The following DAB1 variants were observed in gnomAD, a reference collection of about 807,000 sequenced individuals.
The protein encoded by DAB1 is disabled homolog 1.
Under a neutral mutation model 64.6 loss-of-function variants are expected in DAB1, and 15 were observed. That is an observed-to-expected ratio of 0.23 (90% CI 0.16 to 0.36). The LOEUF (loss-of-function observed/expected upper bound fraction) is 0.36. DAB1 is among the 10% of genes least tolerant of loss of function. DAB1 has a pLI of 1.00. For synonymous variants in DAB1, 235 were observed against 251.9 expected, an observed-to-expected ratio of 0.93 and a Z score of 0.64; for missense variants, 596 against 706.7, an observed-to-expected ratio of 0.84 and a Z score of 1.78.
At chr1:57,033,550 A>C (rs1557592488) in intron 9 of DAB1, 1 of 1,612,824 alleles carries the variant, frequency 6.2e-7, no homozygotes, top group East Asian at 2.2e-5. Context: ...ACCGTTCTTC[A>C]AAATCCTCAA....
intron 3 of DAB1, among the ~76,000 whole-genome samples, chr1:58,421,189 G>C (rs2100221577): frequency 6.6e-6 from 1 of 152,256 alleles, no homozygotes; most frequent in Admixed American, 6.5e-5. Flanking sequence ...TCATCGTAAT[G>C]CACCCACATG....
intron 3 of DAB1, among the ~76,000 whole-genome samples, chr1:58,426,502 C>A (rs1380577316): frequency 6.6e-6 from 1 of 152,200 alleles, no homozygotes; most frequent in Non-Finnish European, 1.5e-5. Context: ...CCAGGATCTG[C>A]AGTCAACAAG....
chr1:58,438,735 A>G (rs1428061095), intron 3 of DAB1, among the ~76,000 whole-genome samples: 2 of 151,956 alleles, frequency 1.3e-5, no homozygotes, highest in African/African-American at 4.8e-5. Flanking sequence ...GTGAAAGAAC[A>G]CAGGACAAAG....
At chr1:57,918,470 C>A (rs1470261405) in intron 5 of DAB1, among the ~76,000 whole-genome samples, 1 of 152,146 alleles carries the variant, frequency 6.6e-6, no homozygotes, top group Non-Finnish European at 1.5e-5. Context: ...TAACAACCCA[C>A]TCTCATAGGA....
chr1:58,091,180 T>C (rs1331580241), intron 5 of DAB1, among the ~76,000 whole-genome samples: 1 of 152,202 alleles, frequency 6.6e-6, no homozygotes, highest in Non-Finnish European at 1.5e-5. Flanking sequence ...GAGCCCCTCT[T>C]TCCTTCCTCT....
At chr1:58,509,509 A>T (rs1157919559) in intron 2 of DAB1, among the ~76,000 whole-genome samples, 1 of 150,402 alleles carries the variant, frequency 6.6e-6, no homozygotes, top group African/African-American at 2.4e-5. Flanking sequence ...TTCTAAGAGG[A>T]TGGTTTATAA....
intron 9 of DAB1, among the ~76,000 whole-genome samples, chr1:57,058,164 G>A (rs1260604528): frequency 6.6e-6 from 1 of 151,964 alleles, no homozygotes; most frequent in African/African-American, 2.4e-5. Flanking sequence ...GTGTGGGTTT[G>A]TGTTTAGAAG....
chr1:57,682,817 T>C (rs1452976288), intron 6 of DAB1, among the ~76,000 whole-genome samples: 7 of 152,174 alleles, frequency 4.6e-5, no homozygotes, highest in Non-Finnish European at 8.8e-5. Context: ...TGAGAGGCTT[T>C]AGCCTCAGTT....
At chr1:57,468,031 G>C (rs1167205080) in intron 7 of DAB1, among the ~76,000 whole-genome samples, 1 of 152,198 alleles carries the variant, frequency 6.6e-6, no homozygotes, top group African/African-American at 2.4e-5. Context: ...GTCCCTGGCT[G>C]TCTCCCCTGG....
intron 6 of DAB1, among the ~76,000 whole-genome samples, chr1:57,776,573 T>C (rs1171108054): frequency 6.6e-6 from 1 of 151,850 alleles, no homozygotes; most frequent in Non-Finnish European, 1.5e-5. Flanking sequence ...GTCTCCACAA[T>C]TGCCTTATTA....
intron 1 of DAB1, among the ~76,000 whole-genome samples, chr1:57,881,072 T>C (rs1644136286): frequency 6.6e-6 from 1 of 152,212 alleles, no homozygotes; most frequent in Admixed American, 6.5e-5. Context: ...AGTTTCCCTA[T>C]CTGTAAAATG....
At chr1:58,501,830 C>T (rs1557443460) in intron 3 of DAB1, among the ~76,000 whole-genome samples, 1 of 152,102 alleles carries the variant, frequency 6.6e-6, no homozygotes, top group African/African-American at 2.4e-5. Context: ...AAGGAGGTAA[C>T]TAAGGTTTAA....
At chr1:57,219,462 T>C (rs1666692351) in intron 2 of DAB1, among the ~76,000 whole-genome samples, 1 of 152,150 alleles carries the variant, frequency 6.6e-6, no homozygotes, top group East Asian at 1.9e-4. Context: ...CCCTCTCCCA[T>C]ACCATATGTG....
At chr1:57,138,314 A>T (rs185351615) in intron 3 of DAB1, among the ~76,000 whole-genome samples, 209 of 152,238 alleles carry the variant, frequency 1.4e-3, no homozygotes, top group Middle Eastern at 3.4e-3. Context: ...AAGGTAGTAG[A>T]CCGTCCTGAG....
At chr1:58,217,664 C>T (rs1658927581) in intron 4 of DAB1, among the ~76,000 whole-genome samples, 1 of 152,144 alleles carries the variant, frequency 6.6e-6, no homozygotes, top group Non-Finnish European at 1.5e-5. Context: ...GTATTATTCT[C>T]CCATTTTAGA....
At chr1:57,462,934 G>A (rs1192353447) in intron 7 of DAB1, among the ~76,000 whole-genome samples, 2 of 152,078 alleles carry the variant, frequency 1.3e-5, no homozygotes, top group Non-Finnish European at 2.9e-5. Context: ...TTTGAAGGAG[G>A]TAAAACTTAA....
intron 4 of DAB1, among the ~76,000 whole-genome samples, chr1:57,109,300 T>C (rs1655444137): frequency 6.6e-6 from 1 of 152,206 alleles, no homozygotes; most frequent in Non-Finnish European, 1.5e-5. Context: ...AGCATGCTTG[T>C]GTCTGGCACC....
Position 57,889,905 on chromosome 1 carries a change from G to A in DAB1, n.388-5743C>T, listed in dbSNP as rs777557782. ...ATGGTAGCACAAACTGGGGCGGGGG[G>A]GGGGGAGGGGGAAGAAATCACTGGA... On this transcript the variant is annotated intron_variant and non_coding_transcript_variant, in intron 5 of 20. Transcript: ENST00000485760. Among the ~76,000 whole-genome samples, 8 of 128,668 alleles carry A rather than the reference G, an allele frequency of 6.2e-5. 1 individual carries two copies. The highest frequency in any genetic ancestry group is 4.0e-4 in the Admixed American group (5 of 12,440). 84.4% of individuals were successfully genotyped at this position (128,668 alleles called of 152,430 possible). A position where few individuals can be genotyped will look rare whatever the true frequency, so the allele number is the denominator to read the frequency against.
intron 5 of DAB1, among the ~76,000 whole-genome samples, chr1:58,069,084 A>G (rs1649060743): frequency 6.6e-6 from 1 of 152,232 alleles, no homozygotes; most frequent in African/African-American, 2.4e-5. Flanking sequence ...CGGCTTTGTC[A>G]AAGAGTAATA....
Sources: gnomAD v4.1 joint callset for allele counts (sites outside exome capture counted in the v4.1 genomes callset) on GRCh38, gnomAD v4.1.1 for gene constraint, MANE v1.5 for transcripts, NCBI Gene and HGNC (gene_info 2026-07-23, HGNC 2026-07-21) for gene names.